The following RTN3 variants were observed in gnomAD, a reference collection of about 807,000 sequenced individuals.
RTN3 encodes reticulon 3, also known as reticulon-3.
A neutral mutation model predicts 77.8 loss-of-function variants in RTN3; 49 were observed. That is an observed-to-expected ratio of 0.63 (90% CI 0.50 to 0.80). The LOEUF is 0.80. Ranked by LOEUF, RTN3 falls within the 30% of genes least tolerant of loss-of-function variation. The pLI, the probability that RTN3 is intolerant of heterozygous loss-of-function variation, is 0.00. For missense variants in RTN3, 1,236 were observed against 1,211.9 expected (o/e 1.02, Z -0.29); for synonymous variants, 464 against 446.9 (o/e 1.04, Z -0.48).
intron 1 of RTN3, among the ~76,000 whole-genome samples, chr11:63,689,235 T>C (rs1243594971): frequency 6.6e-6 from 1 of 152,198 alleles, no homozygotes; most frequent in African/African-American, 2.4e-5. Flanking sequence ...TAGTAAAACT[T>C]TTTAGACAAA....
intron 3 of RTN3, among the ~76,000 whole-genome samples, chr11:63,740,339 CA>C (rs2013386318): frequency 6.6e-6 from 1 of 151,450 alleles, no homozygotes; most frequent in South Asian, 2.1e-4. Flanking sequence ...TAGAGTGCAG[CA>C]GTGTGATCTT....
At chr11:63,756,727 C>T (rs989952276) in intron 8 of RTN3, among the ~76,000 whole-genome samples, 1 of 152,190 alleles carries the variant, frequency 6.6e-6, no homozygotes, top group Non-Finnish European at 1.5e-5. Context: ...ATAGGCTACT[C>T]TGCCTTTTTG....
chr11:63,744,893 G>C (rs1052557082), intron 3 of RTN3, among the ~76,000 whole-genome samples: 1 of 152,192 alleles, frequency 6.6e-6, no homozygotes, highest in African/African-American at 2.4e-5. Context: ...TTGGGATGCT[G>C]AGATGGGAGG....
At chr11:63,749,406 G>T (rs146064825) in intron 3 of RTN3, among the ~76,000 whole-genome samples, 2 of 152,204 alleles carry the variant, frequency 1.3e-5, no homozygotes, top group East Asian at 3.9e-4. Context: ...ATAGTGCTTG[G>T]TCTATTTTTA....
At chr11:63,687,151 T>A (rs1054426352) in intron 1 of RTN3, among the ~76,000 whole-genome samples, 24 of 152,322 alleles carry the variant, frequency 1.6e-4, no homozygotes, top group Non-Finnish European at 1.2e-4. Context: ...CGTGTCAGAT[T>A]ATCAGTGGCA....
At chr11:63,690,195 A>G in intron 1 of RTN3, among the ~76,000 whole-genome samples, 1 of 152,192 alleles carries the variant, frequency 6.6e-6, no homozygotes. Context: ...TTCAAGATAT[A>G]TGGAAGGACA....
At chr11:63,697,307 T>TA (rs1210029406) in intron 1 of RTN3, among the ~76,000 whole-genome samples, 1 of 151,712 alleles carries the variant, frequency 6.6e-6, no homozygotes, top group Non-Finnish European at 1.5e-5. Context: ...GCTTTTTTTT[T>TA]ATTTTTATTT....
At chr11:63,729,091 CAAA>C (rs934062312) in intron 3 of RTN3, among the ~76,000 whole-genome samples, 1 of 151,106 alleles carries the variant, frequency 6.6e-6, no homozygotes, top group East Asian at 1.9e-4. Flanking sequence ...ACAAAAAAAA[CAAA>C]AAAACTGCAA....
At chr11:63,746,142 G>A (rs2013780798) in intron 3 of RTN3, among the ~76,000 whole-genome samples, 1 of 152,000 alleles carries the variant, frequency 6.6e-6, no homozygotes, top group African/African-American at 2.4e-5. Flanking sequence ...TTGCATCTAG[G>A]CACATGTCGT....
chr11:63,756,838 G>A lies in RTN3; in HGVS notation c.3053+668G>A, dbSNP rs192557820. 2.6e-3 allele frequency among the ~76,000 whole-genome samples: 395 copies of A among 152,308 alleles called. 1 individual carries two copies. The highest frequency in any genetic ancestry group is 4.0e-3 in the Non-Finnish European group (269 of 68,028). On this transcript the variant is annotated intron_variant, in intron 8 of 8. Coordinates refer to ENST00000377819, the MANE Select transcript of RTN3 (RefSeq NM_001265589.2). ...CAAGGCCGGTGGATCACGAGGTCAGGAGTTCGAGACCAGCCTGGCCAACAT... is the reference window on the plus strand; with the variant it reads ...CAAGGCCGGTGGATCACGAGGTCAGAAGTTCGAGACCAGCCTGGCCAACAT...
chr11:63,693,340 G>C (rs751305107), intron 1 of RTN3, among the ~76,000 whole-genome samples: 1 of 152,158 alleles, frequency 6.6e-6, no homozygotes, highest in Non-Finnish European at 1.5e-5. Context: ...AAAATTAGCT[G>C]GGCATGGTGG....
At chr11:63,692,793 T>A (rs1397435705) in intron 1 of RTN3, among the ~76,000 whole-genome samples, 1 of 151,934 alleles carries the variant, frequency 6.6e-6, no homozygotes, top group East Asian at 1.9e-4. Context: ...AAGGAAGGAA[T>A]GCTTTTATAG....
At chr11:63,752,772 A>G (rs2014173894) in intron 5 of RTN3, 127 bp downstream of exon 5, 9 of 986,184 alleles carry the variant, frequency 9.1e-6, no homozygotes, top group East Asian at 4.8e-5. Flanking sequence ...CAGTCATTCT[A>G]TAATGGGATA....
At chr11:63,694,735 C>A (rs755133980) in intron 1 of RTN3, among the ~76,000 whole-genome samples, 2 of 152,164 alleles carry the variant, frequency 1.3e-5, no homozygotes, top group African/African-American at 4.8e-5. Flanking sequence ...TGGGATCACA[C>A]GAGTGAGCCA....
chr11:63,745,911 A>G (rs1590881162), intron 3 of RTN3, among the ~76,000 whole-genome samples: 1 of 152,170 alleles, frequency 6.6e-6, no homozygotes, highest in Admixed American at 6.5e-5. Context: ...CCCAGGTTCA[A>G]GTGATTCTCC....
chr11:63,698,418 G>A (rs771984710), intron 1 of RTN3, among the ~76,000 whole-genome samples: 2 of 152,166 alleles, frequency 1.3e-5, no homozygotes, highest in Admixed American at 6.6e-5. Flanking sequence ...CAGCTACTGC[G>A]TCTGATTGTT....
intron 1 of RTN3, among the ~76,000 whole-genome samples, chr11:63,685,989 A>G (rs1403697541): frequency 6.6e-6 from 1 of 152,184 alleles, no homozygotes; most frequent in Non-Finnish European, 1.5e-5. Flanking sequence ...ATGGCTTCCC[A>G]GATTTCTGCC....
chr11:63,686,631 C>T (rs982108319), intron 1 of RTN3, among the ~76,000 whole-genome samples: 3 of 152,000 alleles, frequency 2.0e-5, no homozygotes, highest in Non-Finnish European at 2.9e-5. Flanking sequence ...TTGAGACCAG[C>T]CTGGACAATA....
At chr11:63,682,102 C>A (rs768125878) in intron 1 of RTN3, among the ~76,000 whole-genome samples, 1 of 152,084 alleles carries the variant, frequency 6.6e-6, no homozygotes, top group Non-Finnish European at 1.5e-5. Context: ...ATATGGTGAA[C>A]CTGGGTGATT....
Sources: allele counts gnomAD v4.1 joint callset (sites outside exome capture counted in the v4.1 genomes callset), GRCh38; gene constraint gnomAD v4.1.1; transcripts MANE v1.5; gene names NCBI Gene and HGNC (gene_info 2026-07-23, HGNC 2026-07-21).